Variants in PLOD1 observed in about 807,000 individuals in gnomAD.
PLOD1 encodes procollagen-lysine,2-oxoglutarate 5-dioxygenase 1, also known as lysine hydroxylase.
Under a neutral mutation model 94.7 loss-of-function variants are expected in PLOD1, and 70 were observed. The observed-to-expected ratio is 0.74, with a 90% CI of 0.61 to 0.90. The LOEUF (loss-of-function observed/expected upper bound fraction) is 0.90. Among genes scored for constraint, PLOD1 ranks in the 40% least tolerant of loss-of-function variants. PLOD1 has a pLI of 0.00. For synonymous variants in PLOD1, 417 were observed against 400.2 expected (o/e 1.04, Z -0.50); for missense variants, 905 against 972.7 (o/e 0.93, Z 0.93).
Position 11,970,751 on chromosome 1 carries a change from C to G in PLOD1, c.1837C>G (p.His613Asp). The change falls in exon 17 of 19, where the codon CAC becomes GAC. Residue 613 changes from histidine (H) to aspartate (D), a missense_variant. Transcript: ENST00000196061. ...MNQIGFEREWHKFLLEYIAPM... is the reference protein window; with the variant it reads ...MNQIGFEREWDKFLLEYIAPM... ...CCAGATCGGCTTTGAGCGGGAGTGG[C>G]ACAAATTCCTGCTGGAGTACATTGC... 6.2e-7 allele frequency: 1 copy of G among 1,612,054 alleles called. No individual in the cohort carries two copies. The highest frequency in any genetic ancestry group is 8.5e-7 in the Non-Finnish European group (1 of 1,179,724).
chr1:11,963,409 TG>T lies in PLOD1; in HGVS notation c.1098-121del. ...AGTCGGGAGGAACCTTTGAGGCTGCTGGTGTGACCTCTCTAAAGCCCCTTGG... is the reference window on the plus strand; with the variant it reads ...AGTCGGGAGGAACCTTTGAGGCTGCTGTGTGACCTCTCTAAAGCCCCTTGG... On this transcript the variant is annotated intron_variant, in intron 10 of 18. Coordinates refer to ENST00000196061, the MANE Select transcript of PLOD1 (RefSeq NM_000302.4). This position sits in a 1 kb window ranked among gnomAD's most constrained non-coding sequence, Gnocchi z 4.3. 1 of 712,292 alleles carries T rather than the reference TG, an allele frequency of 1.4e-6. No individual in the cohort carries two copies. The highest frequency in any genetic ancestry group is 2.6e-6 in the Non-Finnish European group (1 of 390,060). The allele number at this position is 712,292 out of a possible 1,614,324, so 44.1% of individuals were successfully genotyped here.
chr1:11,973,454 C>T lies in PLOD1; in HGVS notation c.2028+457C>T, dbSNP rs558993055. Reference sequence around the variant, plus strand: ...GGTGGAGGTTGCAGTGAGCTGAGATCATGCCACTGCACTCCAGCCTGGGCA... The same window carrying T: ...GGTGGAGGTTGCAGTGAGCTGAGATTATGCCACTGCACTCCAGCCTGGGCA... On this transcript the variant is annotated intron_variant, in intron 18 of 18. Transcript: ENST00000196061. Among the ~76,000 whole-genome samples the T allele has an allele frequency of 1.1e-3, 175 of 152,182 alleles. 1 individual carries two copies. The highest frequency in any genetic ancestry group is 3.9e-3 in the African/African-American group (162 of 41,532).
At chr1:11,970,599 G>A in intron 16 of PLOD1, 71 bp from the exon 17 acceptor site, 2 of 1,430,626 alleles carry the variant, frequency 1.4e-6, no homozygotes, top group South Asian at 2.3e-5. Flanking sequence ...CCGGGTGTAG[G>A]AGAGGGGAGT....
chr1:11,958,505 C>T lies in PLOD1; in HGVS notation c.844-11C>T, dbSNP rs757095022. 4 of 1,613,328 alleles carry T rather than the reference C, an allele frequency of 2.5e-6. No homozygotes were observed. Among genetic ancestry groups the T allele is most frequent in the East Asian group, 4.5e-5 (2 of 44,868 alleles). On this transcript the variant is annotated splice_polypyrimidine_tract_variant and intron_variant, in intron 8 of 18. Coordinates refer to ENST00000196061, the MANE Select transcript of PLOD1 (RefSeq NM_000302.4). This position sits in a 1 kb window ranked among gnomAD's most constrained non-coding sequence, Gnocchi z 4.3. Reference sequence around the variant, plus strand: ...CACTGCTGGACTCTTGTGCCGCCCTCCCTGGTGCAGGATGAAGCTCTGCCC... The same window carrying T: ...CACTGCTGGACTCTTGTGCCGCCCTTCCTGGTGCAGGATGAAGCTCTGCCC...
intron 1 of PLOD1, among the ~76,000 whole-genome samples, chr1:11,945,601 G>A (rs1170163726): frequency 1.3e-5 from 2 of 152,140 alleles, no homozygotes; most frequent in Non-Finnish European, 2.9e-5. Flanking sequence ...CCTGCATGAT[G>A]GAGAGGGATG....
intron 1 of PLOD1, among the ~76,000 whole-genome samples, chr1:11,936,266 G>A (rs1645577623): frequency 6.6e-6 from 1 of 151,996 alleles, no homozygotes; most frequent in Non-Finnish European, 1.5e-5. Context: ...AAGGCAGATT[G>A]GATTGCAGTG....
chr1:11,956,751 G>A, intron 6 of PLOD1, among the ~76,000 whole-genome samples, 166 bp from the exon 7 acceptor site: 1 of 152,070 alleles, frequency 6.6e-6, no homozygotes, highest in Non-Finnish European at 1.5e-5. Flanking sequence ...CATGAAGAAG[G>A]GATTATTCCT....
chr1:11,959,845 T>TG (rs1557493145), intron 9 of PLOD1, among the ~76,000 whole-genome samples: 2 of 151,754 alleles, frequency 1.3e-5, no homozygotes, highest in African/African-American at 4.8e-5. Flanking sequence ...CTCGATCTCC[T>TG]GACCTCGTGA....
rs1234743166 is a variant in PLOD1 at position 11,958,047 on chromosome 1, AGTGAAGGG to A, written c.843+107_843+114del. Reference sequence around the variant, plus strand: ...ATAGACTCCATTGTCTTTGGTGGAAAGTGAAGGGGTCACCTCCCTGCCTGGGGTTCTAT... The same window carrying A: ...ATAGACTCCATTGTCTTTGGTGGAAAGTCACCTCCCTGCCTGGGGTTCTAT... On this transcript the variant is annotated intron_variant, in intron 8 of 18. Coordinates refer to ENST00000196061, the MANE Select transcript of PLOD1 (RefSeq NM_000302.4). The surrounding 1 kb of genome is among the most constrained non-coding windows in gnomAD (Gnocchi z 4.3). The A allele has an allele frequency of 1.2e-6, 1 of 839,792 alleles. No homozygotes were observed. Among genetic ancestry groups the A allele is most frequent in the East Asian group, 2.5e-5 (1 of 39,648 alleles). 52.0% of individuals were successfully genotyped at this position (839,792 alleles called of 1,614,324 possible).
intron 6 of PLOD1, among the ~76,000 whole-genome samples, chr1:11,955,872 T>G (rs1157233537): frequency 1.3e-5 from 2 of 151,704 alleles, no homozygotes; most frequent in Non-Finnish European, 2.9e-5. Context: ...GTGATCCACC[T>G]GCCTTGGCCT....
Position 11,956,899 on chromosome 1 carries a change from G to T in PLOD1, c.644-18G>T, listed in dbSNP as rs749794366. On this transcript the variant is annotated intron_variant, in intron 6 of 18. Coordinates refer to ENST00000196061, the MANE Select transcript of PLOD1 (RefSeq NM_000302.4). ...TCTGGGTCTGATGCTGGGTGGGACT[G>T]TGCTTTCTGACCCCCAGATGAGGTC... 1.3e-6 allele frequency: 2 copies of T among 1,577,880 alleles called. No homozygotes were observed. Among genetic ancestry groups the T allele is most frequent in the African/African-American group, 2.7e-5 (2 of 74,344 alleles).
rs1428820515 is a variant in PLOD1 at position 11,957,679 on chromosome 1, G to A, written c.742-163G>A. ...GCCCTCCCCTGCCCTCTCTCAGAGC[G>A]GCTTGGTGATCTCCTGGGGATGGAG... On this transcript the variant is annotated intron_variant, in intron 7 of 18. Transcript: ENST00000196061. This position sits in a 1 kb window ranked among gnomAD's most constrained non-coding sequence, Gnocchi z 4.1. 6.6e-6 allele frequency among the ~76,000 whole-genome samples: 1 copy of A among 152,292 alleles called. No homozygotes were observed. Among genetic ancestry groups the A allele is most frequent in the East Asian group, 1.9e-4 (1 of 5,184 alleles).
At chr1:11,942,541 G>A (rs1645622175) in intron 1 of PLOD1, among the ~76,000 whole-genome samples, 1 of 152,222 alleles carries the variant, frequency 6.6e-6, no homozygotes, top group Non-Finnish European at 1.5e-5. Context: ...TTTAGGGGAA[G>A]GAATGTGTGT....
chr1:11,954,988 T>A, intron 6 of PLOD1, 95 bp downstream of exon 6: 1 of 966,176 alleles, frequency 1.0e-6, no homozygotes, highest in Non-Finnish European at 1.7e-6. Flanking sequence ...ATGGGCTGCT[T>A]CTTTCTGGCC....
chr1:11,964,879 C>A, intron 13 of PLOD1, 94 bp downstream of exon 13: 1 of 1,336,430 alleles, frequency 7.5e-7, no homozygotes, highest in Non-Finnish European at 1.1e-6. Flanking sequence ...GCCGCCTTGT[C>A]ACCGTAGGCC....
intron 18 of PLOD1, among the ~76,000 whole-genome samples, chr1:11,974,122 A>T (rs556364606): frequency 6.6e-6 from 1 of 151,932 alleles, no homozygotes; most frequent in Non-Finnish European, 1.5e-5. Flanking sequence ...GGTTGGTCAC[A>T]GTTAGTAAAG....
At chr1:11,935,773 T>C (rs1220385027) in intron 1 of PLOD1, among the ~76,000 whole-genome samples, 2 of 152,134 alleles carry the variant, frequency 1.3e-5, no homozygotes, top group African/African-American at 4.8e-5. Context: ...TACAGGCACG[T>C]GCCACCATGC....
chr1:11,937,149 G>A (rs1255610234), intron 1 of PLOD1, among the ~76,000 whole-genome samples: 1 of 152,188 alleles, frequency 6.6e-6, no homozygotes, highest in African/African-American at 2.4e-5. Context: ...CGCCCGGCCA[G>A]GAACTGCCAT....
rs1273658388 is a variant in PLOD1 at position 11,972,755 on chromosome 1, C to A, written c.1903-117C>A. ...AGCATAGAGCCCCATGTAGACCTGG[C>A]CCCTGTAAGCTGACCTGCAGCAGGC... On this transcript the variant is annotated intron_variant, in intron 17 of 18. Coordinates refer to ENST00000196061, the MANE Select transcript of PLOD1 (RefSeq NM_000302.4). This position sits in a 1 kb window ranked among gnomAD's most constrained non-coding sequence, Gnocchi z 4.6. 8 of 1,115,408 alleles carry A rather than the reference C, an allele frequency of 7.2e-6. No individual in the cohort carries two copies. The East Asian group carries it at 1.4e-4, about 20-fold the overall frequency. The allele number at this position is 1,115,408 out of a possible 1,614,324, so 69.1% of individuals were successfully genotyped here. A position where few individuals can be genotyped will look rare whatever the true frequency, so the allele number is the denominator to read the frequency against.
Sources: gnomAD v4.1 joint callset for allele counts (sites outside exome capture counted in the v4.1 genomes callset) on GRCh38, gnomAD v4.1.1 for gene constraint, Gnocchi (gnomAD v3.1) non-coding constraint, MANE v1.5 for transcripts, NCBI Gene and HGNC (gene_info 2026-07-23, HGNC 2026-07-21) for gene names.